Variants in IDO2 observed in about 807,000 individuals in gnomAD.
IDO2 encodes the protein indoleamine 2,3-dioxygenase 2, also known as indoleamine 2,3-dioxygenase-like 1 protein.
Under a neutral mutation model 45.1 loss-of-function variants are expected in IDO2, and 46 were observed. The observed-to-expected ratio is 1.02, with a 90% confidence interval of 0.80 to 1.30. The LOEUF (loss-of-function observed/expected upper bound fraction) is 1.30. IDO2 is among the 50% of genes most tolerant of loss of function. IDO2 has a pLI of 0.00. For synonymous variants in IDO2, 218 were observed against 184.9 expected (o/e 1.18, Z -1.45); for missense variants, 544 against 491.8 (o/e 1.11, Z -1.00).
chr8:40,016,361 A>T (rs1225484148), exon 11 of IDO2: 1 of 391,438 alleles, frequency 2.6e-6, no homozygotes, highest in East Asian at 3.6e-5. Flanking sequence ...CAATGTGTTT[A>T]GTGTGCAAAT....
intron 8 of IDO2, among the ~76,000 whole-genome samples, chr8:39,994,546 C>T (rs1378614342): frequency 1.3e-5 from 2 of 152,082 alleles, no homozygotes; most frequent in Non-Finnish European, 2.9e-5. Context: ...CATGAGCCAC[C>T]GCGCCTGGAC....
intron 3 of IDO2, among the ~76,000 whole-genome samples, chr8:39,964,012 G>A (rs1019590330): frequency 2.6e-5 from 4 of 152,216 alleles, no homozygotes; most frequent in Admixed American, 6.5e-5. Context: ...TATCGCCTAA[G>A]AAGGTCAGCT....
chr8:39,966,512 T>C (rs1808087653), intron 3 of IDO2, among the ~76,000 whole-genome samples: 1 of 152,194 alleles, frequency 6.6e-6, no homozygotes, highest in Non-Finnish European at 1.5e-5. Context: ...GAACCACAGA[T>C]GGAGCTATAA....
intron 8 of IDO2, among the ~76,000 whole-genome samples, chr8:39,995,842 G>A (rs1180851870): frequency 6.6e-6 from 1 of 152,100 alleles, no homozygotes; most frequent in Non-Finnish European, 1.5e-5. Flanking sequence ...TGTTATGCCC[G>A]GACAGGGCCA....
chr8:40,009,090 C>G (rs1401573798), intron 9 of IDO2, among the ~76,000 whole-genome samples: 2 of 152,200 alleles, frequency 1.3e-5, no homozygotes, highest in African/African-American at 4.8e-5. Flanking sequence ...TCTTGGCTCA[C>G]TGCAACCTCT....
chr8:39,952,491 T>A (rs1386816769), intron 2 of IDO2, among the ~76,000 whole-genome samples: 1 of 152,238 alleles, frequency 6.6e-6, no homozygotes, highest in Non-Finnish European at 1.5e-5. Flanking sequence ...TGGGAAGCAG[T>A]CTGACTTAGT....
At position 39,989,719 on chromosome 8, in the gene IDO2, A is replaced by G; in HGVS notation, c.550-2A>G. The G allele has an allele frequency of 6.4e-7, 1 of 1,574,688 alleles. No individual in the cohort carries two copies. Among genetic ancestry groups the G allele is most frequent in the Non-Finnish European group, 8.6e-7 (1 of 1,158,854 alleles). On this transcript the variant is annotated splice_acceptor_variant, in intron 7 of 10. Coordinates refer to ENST00000502986, the Ensembl canonical transcript of IDO2. LOFTEE classifies it high-confidence loss of function. The stretch of plus-strand genomic sequence containing the variant: ...AGTTGTGTACATGCATCTCATCCCT[A>G]GGCTCTTGTTCAGGCCACGAATGCT...
intron 8 of IDO2, among the ~76,000 whole-genome samples, chr8:40,004,661 A>C (rs1440894044): frequency 6.8e-6 from 1 of 148,120 alleles, no homozygotes; most frequent in African/African-American, 2.5e-5. Flanking sequence ...GAGGGGTCCC[A>C]CTACGTGAAA....
chr8:40,011,382 A>G (rs1023767444), intron 9 of IDO2, among the ~76,000 whole-genome samples: 17 of 152,250 alleles, frequency 1.1e-4, no homozygotes, highest in African/African-American at 3.9e-4. Flanking sequence ...CAACCAGATT[A>G]CAAAGAAAGA....
chr8:39,982,906 T>G (rs1563434567), intron 5 of IDO2, 136 bp downstream of exon 5: 1 of 574,962 alleles, frequency 1.7e-6, no homozygotes, highest in Non-Finnish European at 3.0e-6. Flanking sequence ...TGACCAAAAA[T>G]TCAAATATCA....
chr8:40,007,846 T>A (rs1056976260), intron 9 of IDO2, among the ~76,000 whole-genome samples: 1 of 152,172 alleles, frequency 6.6e-6, no homozygotes, highest in African/African-American at 2.4e-5. Context: ...ATTTATCTAT[T>A]GGGCTGGGCT....
At chr8:39,938,789 A>C (rs557056505) in intron 1 of IDO2, among the ~76,000 whole-genome samples, 1 of 152,380 alleles carries the variant, frequency 6.6e-6, no homozygotes, top group South Asian at 2.1e-4. Flanking sequence ...ATCTCAACAG[A>C]AACCCCATCA....
chr8:40,008,590 A>G (rs937569021), intron 9 of IDO2, among the ~76,000 whole-genome samples: 1 of 152,218 alleles, frequency 6.6e-6, no homozygotes, highest in Non-Finnish European at 1.5e-5. Flanking sequence ...AATAGTTCTA[A>G]GAATTATGAT....
intron 9 of IDO2, among the ~76,000 whole-genome samples, chr8:40,010,849 G>A (rs1802299869): frequency 6.6e-6 from 1 of 152,170 alleles, no homozygotes; most frequent in Non-Finnish European, 1.5e-5. Flanking sequence ...CTGGAATATA[G>A]GGGAGTGGTC....
intron 2 of IDO2, among the ~76,000 whole-genome samples, chr8:39,955,402 G>A (rs1040337652): frequency 4.0e-5 from 6 of 151,594 alleles, no homozygotes; most frequent in East Asian, 1.9e-4. Flanking sequence ...TTACAGGTGC[G>A]GGCCATCACA....
chr8:40,003,662 A>C (rs996267998), intron 8 of IDO2, among the ~76,000 whole-genome samples: 1 of 152,132 alleles, frequency 6.6e-6, no homozygotes, highest in African/African-American at 2.4e-5. Context: ...TTTATTTATA[A>C]ATCATATTGT....
chr8:39,985,044 G>A (rs1214274220), intron 5 of IDO2: 1 of 324,602 alleles, frequency 3.1e-6, no homozygotes, highest in African/African-American at 2.2e-5. Context: ...CAATTCTCCT[G>A]CCTCAGCCTC....
intron 9 of IDO2, among the ~76,000 whole-genome samples, chr8:40,011,073 G>T (rs547954048): frequency 3.9e-5 from 6 of 152,198 alleles, no homozygotes; most frequent in Admixed American, 2.0e-4. Flanking sequence ...ACCATACCAG[G>T]CTAATTTTTG....
rs371238654 is a variant in IDO2 at position 39,965,526 on chromosome 8, T to TATATA, written c.195+1824_195+1825insTATAA. On this transcript the variant is annotated intron_variant, in intron 3 of 10. Coordinates refer to ENST00000502986, the Ensembl canonical transcript of IDO2. Reference sequence around the variant, plus strand: ...AACAAACAAACAAATATATATATATTAAAATACAAATTTTTACTGGGTTTA... The same window carrying TATATA: ...AACAAACAAACAAATATATATATATTATATAAAAATACAAATTTTTACTGGGTTTA... 7.2e-4 allele frequency among the ~76,000 whole-genome samples: 109 copies of TATATA among 151,886 alleles called. 1 individual carries two copies. Among genetic ancestry groups the TATATA allele is most frequent in the Admixed American group, 2.3e-3 (35 of 15,252 alleles).
Sources: allele counts gnomAD v4.1 joint callset (sites outside exome capture counted in the v4.1 genomes callset), GRCh38; gene constraint gnomAD v4.1.1; transcripts MANE v1.5; gene names NCBI Gene and HGNC (gene_info 2026-07-23, HGNC 2026-07-21).